The following NCDN variants were observed in gnomAD, a reference collection of about 807,000 sequenced individuals.
NCDN encodes the protein neurochondrin.
In NCDN, 9 loss-of-function variants were observed where a neutral mutation model predicts 60.7. That is an observed-to-expected ratio of 0.15 (90% CI 0.09 to 0.26). The LOEUF is 0.26. Among genes scored for constraint, NCDN ranks in the 10% least tolerant of loss-of-function variants. The probability of loss-of-function intolerance (pLI) is 1.00; values close to 1 mark genes in which losing one functional copy is unlikely to be tolerated. For synonymous variants in NCDN, 409 were observed against 442.5 expected, an observed-to-expected ratio of 0.92 and a Z score of 0.95; for missense variants, 578 against 975.2, an observed-to-expected ratio of 0.59 and a Z score of 5.42.
At position 35,565,228 on chromosome 1, in the gene NCDN, T is replaced by A. The variant is rs1648833422; in HGVS notation, c.1755T>A (p.Ala585=). 1 of 1,600,190 alleles carries A rather than the reference T, an allele frequency of 6.2e-7. No homozygotes were observed. Among genetic ancestry groups the A allele is most frequent in the Non-Finnish European group, 8.5e-7 (1 of 1,169,884 alleles). The change falls in exon 7 of 7, where the codon GCT becomes GCA. Residue 585 remains alanine, a splice_region_variant and synonymous_variant. Transcript: ENST00000373243. This position sits in a 1 kb window ranked among gnomAD's most constrained non-coding sequence, Gnocchi z 8.9. ...LMARLLSTSP[A]LQGTPASRGF... is the part of the protein sequence containing the mutation. ...CCCACTCCTTCCGTTACCTTGCAGCTCTTCAGGGAACACCAGCATCCCGAG... is the reference window on the plus strand; with the variant it reads ...CCCACTCCTTCCGTTACCTTGCAGCACTTCAGGGAACACCAGCATCCCGAG...
rs145858550 is a variant in NCDN, at chr1:35,562,460, C to A, written c.1212C>A (p.Ala404=). The change falls in exon 4 of 7, where the codon GCC becomes GCA. Residue 404 remains alanine, a synonymous_variant. Coordinates refer to ENST00000373243, the MANE Select transcript of NCDN (RefSeq NM_014284.3). This position sits in a 1 kb window ranked among gnomAD's most constrained non-coding sequence, Gnocchi z 6.8. The part of the protein sequence containing the change: ...ASVRILGAWL[A]EETSSLRKEV... ...TGCGGATCCTGGGTGCCTGGCTGGCCGAGGAGACCTCATCCTTGCGTAAGG... is the reference window on the plus strand; with the variant it reads ...TGCGGATCCTGGGTGCCTGGCTGGCAGAGGAGACCTCATCCTTGCGTAAGG... 6.2e-7 allele frequency: 1 copy of A among 1,614,088 alleles called. No homozygotes were observed.
chr1:35,559,156 A>G lies in NCDN; in HGVS notation c.83A>G (p.Gln28Arg). Residue 28 changes from glutamine to arginine, a missense_variant, in exon 2 of 7, where the codon CAG becomes CGG. Coordinates refer to ENST00000373243, the MANE Select transcript of NCDN (RefSeq NM_014284.3). ...TCGGATTGCGAGCCAGCTCTGAACC[A>G]GGCAGAGGGCCGAAACCCCACCCTG... ...MASDCEPALN[Q>R]AEGRNPTLER... 1 of 1,613,698 alleles carries G rather than the reference A, an allele frequency of 6.2e-7. No individual in the cohort carries two copies. Among genetic ancestry groups the G allele is most frequent in the Non-Finnish European group, 8.5e-7 (1 of 1,179,956 alleles).
At position 35,566,036 on chromosome 1, in the gene NCDN, C is replaced by G; in HGVS notation, c.*373C>G. On this transcript the variant is annotated 3_prime_UTR_variant, in exon 7 of 7. Transcript: ENST00000373243. This position sits in a 1 kb window ranked among gnomAD's most constrained non-coding sequence, Gnocchi z 5.3. ...GCTGGCAGGAGCAGACTGCCTCAGC[C>G]CATGTGCCCTGCCGGCCAGGGCGTG... is the stretch of plus-strand genomic sequence containing the variant. 4.3e-6 allele frequency: 1 copy of G among 232,824 alleles called. No homozygotes were observed. Among genetic ancestry groups the G allele is most frequent in the Non-Finnish European group, 8.5e-6 (1 of 117,418 alleles). 14.4% of individuals were successfully genotyped at this position (232,824 alleles called of 1,614,324 possible).
chr1:35,559,324 C>T (rs1233053497), intron 2 of NCDN, 77 bp downstream of exon 2: 33 of 1,587,210 alleles, frequency 2.1e-5, no homozygotes, highest in Non-Finnish European at 2.8e-5. Context: ...CAGTGAGTCC[C>T]CAAGGATATG....
intron 6 of NCDN, among the ~76,000 whole-genome samples, chr1:35,564,592 C>T (rs147870045): frequency 9.2e-5 from 14 of 152,294 alleles, no homozygotes; most frequent in African/African-American, 2.4e-4. Flanking sequence ...CAGGGTACCC[C>T]GTCATGGGAA....
Position 35,558,727 on chromosome 1 carries a change from CCT to C in NCDN, c.34-377_34-376del, listed in dbSNP as rs1042006818. 1.7e-6 allele frequency: 2 copies of C among 1,145,166 alleles called. No homozygotes were observed. Among genetic ancestry groups the C allele is most frequent in the African/African-American group, 1.6e-5 (1 of 63,804 alleles). 70.9% of individuals were successfully genotyped at this position (1,145,166 alleles called of 1,614,324 possible). On this transcript the variant is annotated intron_variant, in intron 1 of 6. Transcript: ENST00000373243. The surrounding 1 kb of genome is among the most constrained non-coding windows in gnomAD (Gnocchi z 6.3). ...CCCTGTCTGTCCTCACCACTCACTC[CCT>C]CTGTGTCCCTGTGGAGGGAGATAAA... is the stretch of plus-strand genomic sequence containing the variant.
rs1307362531 is a variant in NCDN at position 35,563,067 on chromosome 1, T to G, written c.1386-135T>G. 1 of 884,118 alleles carries G rather than the reference T, an allele frequency of 1.1e-6. No homozygotes were observed. Among genetic ancestry groups the G allele is most frequent in the Non-Finnish European group, 1.7e-6 (1 of 595,814 alleles). The allele number at this position is 884,118 out of a possible 1,614,324, so 54.8% of individuals were successfully genotyped here. A position where few individuals can be genotyped will look rare whatever the true frequency, so the allele number is the denominator to read the frequency against. ...GGTTGTGCGACTCTGAAGCTTGTAC[T>G]TTTTCTGTGGTACCTGCGAGGATGT... On this transcript the variant is annotated intron_variant, in intron 4 of 6. Transcript: ENST00000373243. This position sits in a 1 kb window ranked among gnomAD's most constrained non-coding sequence, Gnocchi z 6.6.
In NCDN at chr1:35,557,852, GAGA is replaced by G. The variant is rs1335047716; in HGVS notation, c.-335_-333del. On this transcript the variant is annotated 5_prime_UTR_variant, in exon 1 of 7. Transcript: ENST00000373243. ...CGAGGCTCCCGGAGCATCGCGCTGG[GAGA>G]AGACTTCGCCGCTCGGGGCCGCAGC... 5.2e-6 allele frequency: 3 copies of G among 580,928 alleles called. No homozygotes were observed. The highest frequency in any genetic ancestry group is 1.5e-5 in the South Asian group (1 of 65,492). The allele number at this position is 580,928 out of a possible 1,614,324, so 36.0% of individuals were successfully genotyped here. A position where few individuals can be genotyped will look rare whatever the true frequency, so the allele number is the denominator to read the frequency against.
rs1316590077 is a variant in NCDN at position 35,557,971 on chromosome 1, A to G, written c.-220A>G. On this transcript the variant is annotated 5_prime_UTR_variant, in exon 1 of 7. Coordinates refer to ENST00000373243, the MANE Select transcript of NCDN (RefSeq NM_014284.3). ...TGATCGATGCCGACACACCCCGGGG[A>G]CCCTATCGCGACTCCATCGCGCCAT... 1 of 690,990 alleles carries G rather than the reference A, an allele frequency of 1.4e-6. No individual in the cohort carries two copies. The highest frequency in any genetic ancestry group is 2.4e-6 in the Non-Finnish European group (1 of 415,114). The allele number at this position is 690,990 out of a possible 1,614,324, so 42.8% of individuals were successfully genotyped here. A position where few individuals can be genotyped will look rare whatever the true frequency, so the allele number is the denominator to read the frequency against.
Position 35,565,549 on chromosome 1 carries a change from G to A in NCDN, c.2076G>A (p.Val692=), listed in dbSNP as rs1648844502. The change falls in exon 7 of 7, where the codon GTG becomes GTA. Residue 692 remains valine (V), a synonymous_variant. Transcript: ENST00000373243. This position sits in a 1 kb window ranked among gnomAD's most constrained non-coding sequence, Gnocchi z 8.9. ...EMVAAYQGVL[V]ELARANRLCR... Reference sequence around the variant, plus strand: ...TGGCCGCCTATCAGGGTGTCCTGGTGGAGCTGGCGCGGGCCAACCGGCTGT... The same window carrying A: ...TGGCCGCCTATCAGGGTGTCCTGGTAGAGCTGGCGCGGGCCAACCGGCTGT... 3 of 1,567,682 alleles carry A rather than the reference G, an allele frequency of 1.9e-6. No homozygotes were observed. Among genetic ancestry groups the A allele is most frequent in the Non-Finnish European group, 2.6e-6 (3 of 1,157,572 alleles).
At position 35,561,078 on chromosome 1, in the gene NCDN, G is replaced by T. The variant is rs763194610; in HGVS notation, c.927G>T (p.Leu309=). 3.1e-6 allele frequency: 5 copies of T among 1,613,698 alleles called. No individual in the cohort carries two copies. The highest frequency in any genetic ancestry group is 4.2e-6 in the Non-Finnish European group (5 of 1,179,818). ...AGSSGSKFLA[L]LVNLACVEVR... ...GCTCCGGGAGCAAGTTCCTGGCCCTGCTGGTGAATCTGGCGTGCGTGGAAG... is the reference window on the plus strand; with the variant it reads ...GCTCCGGGAGCAAGTTCCTGGCCCTTCTGGTGAATCTGGCGTGCGTGGAAG... Residue 309 remains leucine (L), a synonymous_variant, in exon 3 of 7, where the codon CTG becomes CTT. Coordinates refer to ENST00000373243, the MANE Select transcript of NCDN (RefSeq NM_014284.3). This position sits in a 1 kb window ranked among gnomAD's most constrained non-coding sequence, Gnocchi z 4.9.
Position 35,563,688 on chromosome 1 carries a change from G to A in NCDN, c.1611-79G>A, listed in dbSNP as rs1648779081. The A allele has an allele frequency of 6.5e-7, 1 of 1,546,720 alleles. No individual in the cohort carries two copies. Among genetic ancestry groups the A allele is most frequent in the Non-Finnish European group, 8.8e-7 (1 of 1,135,164 alleles). The stretch of plus-strand genomic sequence containing the variant: ...GGGGCCCAAAGTTAATCACCCTACT[G>A]CCTAATTTCTTGCCAAGGGCTTGAT... On this transcript the variant is annotated intron_variant, in intron 5 of 6. Coordinates refer to ENST00000373243, the MANE Select transcript of NCDN (RefSeq NM_014284.3). The surrounding 1 kb of genome is among the most constrained non-coding windows in gnomAD (Gnocchi z 6.6).
rs1267047552 is a variant in NCDN, at chr1:35,558,300, G to A, written c.33+77G>A. ...CCCTGCTTCGATTATCCGGCTTTTG[G>A]ATTCTCCGTTGTCCTGGGAACTATC... is the stretch of plus-strand genomic sequence containing the variant. On this transcript the variant is annotated intron_variant, in intron 1 of 6. Transcript: ENST00000373243. The surrounding 1 kb of genome is among the most constrained non-coding windows in gnomAD (Gnocchi z 6.3). The A allele has an allele frequency of 5.0e-6, 8 of 1,603,012 alleles. No homozygotes were observed. The Admixed American group carries it at 6.7e-5, about 13-fold the overall frequency.
In NCDN at chr1:35,563,073, T is replaced by A. The variant is rs750132992; in HGVS notation, c.1386-129T>A. 1 of 898,002 alleles carries A rather than the reference T, an allele frequency of 1.1e-6. No homozygotes were observed. Among genetic ancestry groups the A allele is most frequent in the Non-Finnish European group, 1.6e-6 (1 of 608,084 alleles). 55.6% of individuals were successfully genotyped at this position (898,002 alleles called of 1,614,324 possible). ...GCGACTCTGAAGCTTGTACTTTTTCTGTGGTACCTGCGAGGATGTGTCCTT... is the reference window on the plus strand; with the variant it reads ...GCGACTCTGAAGCTTGTACTTTTTCAGTGGTACCTGCGAGGATGTGTCCTT... On this transcript the variant is annotated intron_variant, in intron 4 of 6. Coordinates refer to ENST00000373243, the MANE Select transcript of NCDN (RefSeq NM_014284.3). The surrounding 1 kb of genome is among the most constrained non-coding windows in gnomAD (Gnocchi z 6.6).
In NCDN at chr1:35,563,409, C is replaced by T. The variant is rs200154659; in HGVS notation, c.1593C>T (p.Thr531=). 3.7e-6 allele frequency: 6 copies of T among 1,613,838 alleles called. No homozygotes were observed. Among genetic ancestry groups the T allele is most frequent in the African/African-American group, 2.7e-5 (2 of 75,054 alleles). The part of the protein sequence containing the change: ...CCHIFLNLVV[T]APGLIKRDAC... ...ACATCTTCCTCAACCTCGTGGTCACCGCACCGGGGCTGATCAAGTGAGGGG... is the reference window on the plus strand; with the variant it reads ...ACATCTTCCTCAACCTCGTGGTCACTGCACCGGGGCTGATCAAGTGAGGGG... The change falls in exon 5 of 7, where the codon ACC becomes ACT. Residue 531 remains threonine (T), a synonymous_variant. Coordinates refer to ENST00000373243, the MANE Select transcript of NCDN (RefSeq NM_014284.3). The surrounding 1 kb of genome is among the most constrained non-coding windows in gnomAD (Gnocchi z 6.6).
chr1:35,561,523 ACACACACG>A lies in NCDN; in HGVS notation c.1143+237_1143+244del, dbSNP rs1482097865. ...CATATGTGCACTCACATCACAGTAC[ACACACACG>A]CACACACACACAACACAGTAACCTC... is the stretch of plus-strand genomic sequence containing the variant. On this transcript the variant is annotated intron_variant, in intron 3 of 6. Transcript: ENST00000373243. This position sits in a 1 kb window ranked among gnomAD's most constrained non-coding sequence, Gnocchi z 4.9. 2.0e-5 allele frequency among the ~76,000 whole-genome samples: 3 copies of A among 151,996 alleles called. No individual in the cohort carries two copies. Among genetic ancestry groups the A allele is most frequent in the African/African-American group, 7.3e-5 (3 of 41,364 alleles).
chr1:35,559,383 T>A, intron 2 of NCDN, 136 bp downstream of exon 2: 1 of 1,131,364 alleles, frequency 8.8e-7, no homozygotes, highest in East Asian at 2.5e-5. Context: ...CCAAGACCCC[T>A]ACCTTTGTGC....
chr1:35,563,887 C>T lies in NCDN; in HGVS notation c.1731C>T (p.Ala577=), dbSNP rs1184225678. 6.2e-7 allele frequency: 1 copy of T among 1,613,902 alleles called. No homozygotes were observed. The highest frequency in any genetic ancestry group is 1.7e-5 in the Admixed American group (1 of 59,988). Reference sequence around the variant, plus strand: ...TGGCCACCCTGGGGCTCCTCATGGCCCGGCTCCTTAGCACCTCTCCAGGTA... The same window carrying T: ...TGGCCACCCTGGGGCTCCTCATGGCTCGGCTCCTTAGCACCTCTCCAGGTA... ...ANVATLGLLM[A]RLLSTSPALQ... is the part of the protein sequence containing the mutation. The change falls in exon 6 of 7, where the codon GCC becomes GCT. Residue 577 remains alanine (A), a synonymous_variant. Coordinates refer to ENST00000373243, the MANE Select transcript of NCDN (RefSeq NM_014284.3). The surrounding 1 kb of genome is among the most constrained non-coding windows in gnomAD (Gnocchi z 6.6).
chr1:35,559,017 T>G, intron 1 of NCDN, 90 bp from the exon 2 acceptor site: 1 of 1,073,738 alleles, frequency 9.3e-7, no homozygotes, highest in Non-Finnish European at 1.3e-6. Flanking sequence ...TCTGTGCTAA[T>G]CCCTCCCTCC....
Sources: gnomAD v4.1 joint callset for allele counts (sites outside exome capture counted in the v4.1 genomes callset) on GRCh38, gnomAD v4.1.1 for gene constraint, Gnocchi (gnomAD v3.1) non-coding constraint, MANE v1.5 for transcripts, NCBI Gene and HGNC (gene_info 2026-07-23, HGNC 2026-07-21) for gene names.